SLC5A1: variants seen among roughly 807,000 people sequenced by gnomAD.
SLC5A1 encodes sodium/glucose cotransporter 1.
Under a neutral mutation model 73.5 loss-of-function variants are expected in SLC5A1, and 42 were observed. That is an observed-to-expected ratio of 0.57 (90% CI 0.45 to 0.74). The LOEUF is 0.74. SLC5A1 is among the 30% of genes least tolerant of loss of function. The pLI, the probability that SLC5A1 is intolerant of heterozygous loss-of-function variation, is 0.00. For missense variants in SLC5A1, 634 were observed against 855.4 expected, an observed-to-expected ratio of 0.74 and a Z score of 3.23; for synonymous variants, 300 against 317.4, an observed-to-expected ratio of 0.95 and a Z score of 0.58.
At chr22:32,069,091 A>C (rs1309103061) in intron 5 of SLC5A1, among the ~76,000 whole-genome samples, 1 of 152,240 alleles carries the variant, frequency 6.6e-6, no homozygotes, top group African/African-American at 2.4e-5. Context: ...TTAAAAAAGA[A>C]GGAAATGCTG....
chr22:32,069,410 G>T (rs2093979314), intron 5 of SLC5A1, among the ~76,000 whole-genome samples: 2 of 152,040 alleles, frequency 1.3e-5, no homozygotes, highest in Admixed American at 1.3e-4. Context: ...AAAGATTTTA[G>T]CTGGGCTTAG....
intron 2 of SLC5A1, among the ~76,000 whole-genome samples, chr22:32,062,513 G>T (rs2093964876): frequency 6.6e-6 from 1 of 152,164 alleles, no homozygotes; most frequent in South Asian, 2.1e-4. Flanking sequence ...CCACATACTT[G>T]TAATGGCCTT....
At chr22:32,053,902 C>T (rs1221578352) in intron 2 of SLC5A1, among the ~76,000 whole-genome samples, 2 of 152,134 alleles carry the variant, frequency 1.3e-5, no homozygotes, top group Non-Finnish European at 2.9e-5. Context: ...CAGCCGGGTG[C>T]GGTGGCTCAC....
chr22:32,096,846 C>T (rs1195132114), intron 11 of SLC5A1, among the ~76,000 whole-genome samples: 1 of 152,056 alleles, frequency 6.6e-6, no homozygotes, highest in Non-Finnish European at 1.5e-5. Context: ...TAGGCTGCTA[C>T]CTCATAGGTC....
chr22:32,083,098 C>A lies in SLC5A1; in HGVS notation c.608C>A (p.Thr203Lys). 1 of 1,614,146 alleles carries A rather than the reference C, an allele frequency of 6.2e-7. No individual in the cohort carries two copies. Among genetic ancestry groups the A allele is most frequent in the South Asian group, 1.1e-5 (1 of 91,086 alleles). ...ITGGLAAVIY[T>K]DTLQTVIMLV... ...GGGGGCCTGGCGGCGGTGATTTACA[C>A]GGACACCTTGCAGACGGTGATCATG... The change falls in exon 7 of 15, where the codon ACG becomes AAG. Residue 203 changes from threonine (T) to lysine (K), a missense_variant. By Grantham distance (78) the Thr-to-Lys change is moderately conservative. Coordinates refer to ENST00000266088, the MANE Select transcript of SLC5A1 (RefSeq NM_000343.4).
intron 12 of SLC5A1, among the ~76,000 whole-genome samples, chr22:32,099,890 A>G (rs544909592): frequency 1.3e-5 from 2 of 152,350 alleles, no homozygotes; most frequent in South Asian, 4.1e-4. Flanking sequence ...GTCCTGGTGC[A>G]CAAGCAGTTT....
At chr22:32,091,835 T>C in intron 11 of SLC5A1, 73 bp downstream of exon 11, 1 of 1,528,590 alleles carries the variant, frequency 6.5e-7, no homozygotes, top group Non-Finnish European at 9.0e-7. Flanking sequence ...CCCCTCAAGC[T>C]AGGGAAGGTT....
chr22:32,097,561 G>A (rs1183558041), intron 11 of SLC5A1, among the ~76,000 whole-genome samples: 1 of 152,140 alleles, frequency 6.6e-6, no homozygotes, highest in Non-Finnish European at 1.5e-5. Flanking sequence ...AGAAATACCT[G>A]GTAGTGTTTC....
chr22:32,104,675 G>A, intron 13 of SLC5A1, 111 bp from the exon 14 acceptor site: 2 of 760,970 alleles, frequency 2.6e-6, no homozygotes, highest in Non-Finnish European at 4.7e-6. Flanking sequence ...TCCTGGTACT[G>A]AGATGCCACA....
intron 13 of SLC5A1, among the ~76,000 whole-genome samples, chr22:32,103,555 G>A (rs908698756): frequency 8.5e-5 from 13 of 152,242 alleles, no homozygotes; most frequent in African/African-American, 3.1e-4. Context: ...AGGTGCGTAA[G>A]ATCACATGGG....
In SLC5A1 at chr22:32,081,916, T is replaced by G; in HGVS notation, c.528T>G (p.Asn176Lys). The part of the protein sequence containing the change: ...AIFINLALGL[N>K]LYLAIFLLLA... ...TCATCAATCTGGCCTTAGGCCTGAATCTGTATTTAGCCATCTTTCTCTTAT... is the reference window on the plus strand; with the variant it reads ...TCATCAATCTGGCCTTAGGCCTGAAGCTGTATTTAGCCATCTTTCTCTTAT... Residue 176 changes from asparagine (N) to lysine (K), a missense_variant, in exon 6 of 15, where the codon AAT becomes AAG. Asn to Lys is a moderately conservative substitution (Grantham distance 94). Transcript: ENST00000266088. 2 of 1,613,922 alleles carry G rather than the reference T, an allele frequency of 1.2e-6. No homozygotes were observed. The highest frequency in any genetic ancestry group is 1.7e-6 in the Non-Finnish European group (2 of 1,179,854).
Position 32,084,889 on chromosome 22 carries a change from T to C in SLC5A1, c.886-11T>C, listed in dbSNP as rs1214883368. ...GTCTGCACACCTCCCTTACTGGGCT[T>C]TTTCTGGCAGGTCATTGTGCAGCGC... On this transcript the variant is annotated splice_polypyrimidine_tract_variant and intron_variant, in intron 8 of 14. Coordinates refer to ENST00000266088, the MANE Select transcript of SLC5A1 (RefSeq NM_000343.4). 20 of 1,613,860 alleles carry C rather than the reference T, an allele frequency of 1.2e-5. No individual in the cohort carries two copies. In the Admixed American group the frequency reaches 2.8e-4, roughly 23 times the overall value.
chr22:32,066,704 C>T (rs552975295), intron 2 of SLC5A1, among the ~76,000 whole-genome samples: 43 of 152,354 alleles, frequency 2.8e-4, no homozygotes, highest in Non-Finnish European at 5.0e-4. Flanking sequence ...TTTTGGGATA[C>T]ATCCCACTGC....
At chr22:32,054,877 G>A (rs1475553260) in intron 2 of SLC5A1, among the ~76,000 whole-genome samples, 1 of 152,144 alleles carries the variant, frequency 6.6e-6, no homozygotes, top group Non-Finnish European at 1.5e-5. Context: ...GTTTCACCAT[G>A]TTGGCCGGGC....
At chr22:32,083,639 G>C (rs2094003399) in intron 7 of SLC5A1, among the ~76,000 whole-genome samples, 1 of 151,284 alleles carries the variant, frequency 6.6e-6, no homozygotes, top group African/African-American at 2.4e-5. Context: ...TTAAAAACTT[G>C]GCTCCTCAGG....
intron 10 of SLC5A1, 98 bp downstream of exon 10, chr22:32,086,425 T>C (rs1249519662): frequency 5.8e-6 from 5 of 856,086 alleles, no homozygotes; most frequent in African/African-American, 5.0e-5. Context: ...GGCAAAGACA[T>C]TTCTTAGCCG....
At chr22:32,044,748 A>G (rs1423301319) in intron 1 of SLC5A1, among the ~76,000 whole-genome samples, 1 of 152,126 alleles carries the variant, frequency 6.6e-6, no homozygotes, top group Non-Finnish European at 1.5e-5. Flanking sequence ...CAACTTTAAC[A>G]TAGGTACACT....
intron 3 of SLC5A1, among the ~76,000 whole-genome samples, 198 bp downstream of exon 3, chr22:32,067,237 G>A (rs1474658881): frequency 6.6e-6 from 1 of 152,006 alleles, no homozygotes; most frequent in Non-Finnish European, 1.5e-5. Context: ...GAAAACCACT[G>A]GTATGACAGC....
intron 9 of SLC5A1, 97 bp downstream of exon 9, chr22:32,085,132 T>C (rs950961838): frequency 3.4e-6 from 5 of 1,450,146 alleles, no homozygotes; most frequent in Admixed American, 1.7e-5. Flanking sequence ...CTCTTTTTTT[T>C]TGAGACCAGG....
Sources: allele counts gnomAD v4.1 joint callset (sites outside exome capture counted in the v4.1 genomes callset), GRCh38; gene constraint gnomAD v4.1.1; transcripts MANE v1.5; gene names NCBI Gene and HGNC (gene_info 2026-07-23, HGNC 2026-07-21).